Variants in FRMD5 observed in about 807,000 individuals in gnomAD.
The protein encoded by FRMD5 is FERM domain containing 5, also known as FERM domain-containing protein 5.
FRMD5 carries 20 observed loss-of-function variants against 69.0 expected under a neutral mutation model. That is an observed-to-expected ratio of 0.29 (90% CI 0.20 to 0.42). The LOEUF (loss-of-function observed/expected upper bound fraction) is 0.42, where lower values mean the gene tolerates loss of function less well. Among genes scored for constraint, FRMD5 ranks in the 10% least tolerant of loss-of-function variants. The pLI is 1.00. For synonymous variants in FRMD5, 271 were observed against 260.1 expected (o/e 1.04, Z -0.40); for missense variants, 595 against 708.6 (o/e 0.84, Z 1.82).
chr15:43,946,672 G>A (rs375423277), intron 1 of FRMD5, among the ~76,000 whole-genome samples: 16 of 152,266 alleles, frequency 1.1e-4, no homozygotes, highest in African/African-American at 3.1e-4. Flanking sequence ...GATCTGGGTC[G>A]TTGAGGGAAG....
chr15:43,897,953 C>CCTGCTTCCT (rs1567217616), intron 7 of FRMD5, among the ~76,000 whole-genome samples: 1 of 152,048 alleles, frequency 6.6e-6, no homozygotes, highest in African/African-American at 2.4e-5. Context: ...TAAGACATGC[C>CCTGCTTCCT]TGCTTCCCCT....
intron 1 of FRMD5, among the ~76,000 whole-genome samples, chr15:44,089,469 C>T (rs1894344146): frequency 6.6e-6 from 1 of 151,886 alleles, no homozygotes; most frequent in African/African-American, 2.4e-5. Context: ...TTTGGGAGTC[C>T]ACATGGGAGA....
chr15:44,114,123 C>T (rs1416756889), intron 1 of FRMD5, among the ~76,000 whole-genome samples: 1 of 151,874 alleles, frequency 6.6e-6, no homozygotes, highest in Non-Finnish European at 1.5e-5. Flanking sequence ...AAAGACGTAA[C>T]CTAATGATAC....
At chr15:44,059,656 C>T (rs566523632) in intron 1 of FRMD5, among the ~76,000 whole-genome samples, 40 of 152,118 alleles carry the variant, frequency 2.6e-4, no homozygotes, top group Non-Finnish European at 3.8e-4. Context: ...GGACTACAGC[C>T]GCACACCACC....
Position 43,939,984 on chromosome 15 carries a change from C to T in FRMD5, c.103-15675G>A, listed in dbSNP as rs555431314. Among the ~76,000 whole-genome samples the T allele has an allele frequency of 1.5e-4, 23 of 152,268 alleles. No homozygotes were observed. The East Asian group carries it at 4.5e-3, about 30-fold the overall frequency. The stretch of plus-strand genomic sequence containing the variant: ...CTTAGGTCAGGAGTTTGGGACCAGC[C>T]TGGCCAACAGGGTGAAACCCTGTGT... On this transcript the variant is annotated intron_variant, in intron 1 of 13. Coordinates refer to ENST00000417257, the MANE Select transcript of FRMD5 (RefSeq NM_032892.5).
intron 1 of FRMD5, among the ~76,000 whole-genome samples, chr15:44,028,168 A>C (rs769223575): frequency 6.6e-6 from 1 of 152,182 alleles, no homozygotes; most frequent in Non-Finnish European, 1.5e-5. Context: ...TATAAGCGAA[A>C]AGTCATCTTA....
At chr15:43,997,901 T>A (rs1181062440) in intron 1 of FRMD5, among the ~76,000 whole-genome samples, 1 of 152,224 alleles carries the variant, frequency 6.6e-6, no homozygotes, top group African/African-American at 2.4e-5. Context: ...CATTGAGATC[T>A]CCGGTCTACT....
chr15:44,157,317 T>C (rs1472423955), intron 1 of FRMD5, among the ~76,000 whole-genome samples: 1 of 152,206 alleles, frequency 6.6e-6, no homozygotes, highest in Admixed American at 6.5e-5. Context: ...TCAGTATCAA[T>C]GCAGGCAATA....
At position 44,195,011 on chromosome 15, in the gene FRMD5, C is replaced by T. The variant is rs1430796381; in HGVS notation, c.44G>A (p.Arg15His). 1 of 1,560,426 alleles carries T rather than the reference C, an allele frequency of 6.4e-7. No individual in the cohort carries two copies. The highest frequency in any genetic ancestry group is 1.8e-5 in the Admixed American group (1 of 55,816). The change falls in exon 1 of 14, where the codon CGC becomes CAC. Residue 15 changes from arginine to histidine, a missense_variant. By Grantham distance (29) the Arg-to-His change is conservative. Transcript: ENST00000417257. ...CAGCCGCACGGTGCAGCTGTACTCGCGCTCCAGGCTCCTGCTGCTGCCGCT... is the reference window on the plus strand; with the variant it reads ...CAGCCGCACGGTGCAGCTGTACTCGTGCTCCAGGCTCCTGCTGCTGCCGCT... Reference protein sequence around the residue: ...LMSGSSRSLEREYSCTVRLLD... With the variant: ...LMSGSSRSLEHEYSCTVRLLD...
At chr15:44,120,376 T>C (rs1311274358) in intron 1 of FRMD5, among the ~76,000 whole-genome samples, 1 of 152,142 alleles carries the variant, frequency 6.6e-6, no homozygotes, top group Non-Finnish European at 1.5e-5. Flanking sequence ...GGGCCAGATT[T>C]AAGACAGATT....
chr15:44,030,145 T>C (rs968729840), intron 1 of FRMD5, among the ~76,000 whole-genome samples: 4 of 152,252 alleles, frequency 2.6e-5, no homozygotes, highest in Middle Eastern at 6.8e-3. Flanking sequence ...CTGGCATAAC[T>C]TTAGGCAGAC....
chr15:44,041,359 C>T (rs1892182678), intron 1 of FRMD5, among the ~76,000 whole-genome samples: 4 of 152,064 alleles, frequency 2.6e-5, no homozygotes, highest in Admixed American at 2.6e-4. Flanking sequence ...ATCTACAGAA[C>T]TCTCTACCCC....
At chr15:43,904,078 A>G (rs775860748) in intron 6 of FRMD5, among the ~76,000 whole-genome samples, 11 of 152,136 alleles carry the variant, frequency 7.2e-5, no homozygotes, top group Non-Finnish European at 1.6e-4. Flanking sequence ...CGGTGTCGCC[A>G]TTCCGCTGGG....
At chr15:44,031,270 A>G (rs987359862) in intron 1 of FRMD5, among the ~76,000 whole-genome samples, 11 of 152,218 alleles carry the variant, frequency 7.2e-5, no homozygotes, top group Non-Finnish European at 1.0e-4. Flanking sequence ...AAAGCCACAC[A>G]CAACTGGATA....
intron 1 of FRMD5, among the ~76,000 whole-genome samples, chr15:44,002,438 C>T (rs561107744): frequency 1.1e-3 from 163 of 152,152 alleles, no homozygotes; most frequent in African/African-American, 3.8e-3. Context: ...AGACAAGAAC[C>T]CCTCAGACAC....
Position 43,870,980 on chromosome 15 carries a change from C to G in FRMD5, c.*2905G>C, listed in dbSNP as rs900088789. 6.6e-6 allele frequency: 1 copy of G among 152,100 alleles called. No homozygotes were observed. Among genetic ancestry groups the G allele is most frequent in the African/African-American group, 2.4e-5 (1 of 41,426 alleles). 9.4% of individuals were successfully genotyped at this position (152,100 alleles called of 1,614,324 possible). On this transcript the variant is annotated 3_prime_UTR_variant, in exon 14 of 14. Transcript: ENST00000417257. ...GTTTACCCTCTACTGCTTAAAGATG[C>G]AGTATGCTATTCTTTAGTAAGAGTT...
chr15:43,975,514 G>A (rs556676726), intron 1 of FRMD5, among the ~76,000 whole-genome samples: 21 of 152,298 alleles, frequency 1.4e-4, no homozygotes, highest in South Asian at 1.2e-3. Flanking sequence ...TTCACTGGTC[G>A]TCAGCAGTGA....
chr15:43,925,677 C>G (rs2089572314), intron 1 of FRMD5, among the ~76,000 whole-genome samples: 1 of 152,206 alleles, frequency 6.6e-6, no homozygotes, highest in African/African-American at 2.4e-5. Context: ...AGCCTGGCTT[C>G]TCTCTGCACT....
At position 44,026,106 on chromosome 15, in the gene FRMD5, T is replaced by C. The variant is rs190411446; in HGVS notation, c.103-101797A>G. On this transcript the variant is annotated intron_variant, in intron 1 of 13. Transcript: ENST00000417257. ...GATTCTCGTGTCTCAGCCTCCTGAGTAGCTGGGACTACAGGCATGTACCAC... is the reference window on the plus strand; with the variant it reads ...GATTCTCGTGTCTCAGCCTCCTGAGCAGCTGGGACTACAGGCATGTACCAC... Among the ~76,000 whole-genome samples the C allele has an allele frequency of 3.3e-5, 5 of 152,234 alleles. No homozygotes were observed. In the East Asian group the frequency reaches 9.7e-4, roughly 29 times the overall value.
Sources: gnomAD v4.1 joint callset for allele counts (sites outside exome capture counted in the v4.1 genomes callset) on GRCh38, gnomAD v4.1.1 for gene constraint, MANE v1.5 for transcripts, NCBI Gene and HGNC (gene_info 2026-07-23, HGNC 2026-07-21) for gene names.